The following NEK9 variants were observed in gnomAD, a reference collection of about 807,000 sequenced individuals.
The protein encoded by NEK9 is serine/threonine-protein kinase Nek9.
Under a neutral mutation model 123.4 loss-of-function variants are expected in NEK9, and 75 were observed. That is an observed-to-expected ratio of 0.61 (90% CI 0.50 to 0.74). NEK9 has a LOEUF of 0.74. Ranked by LOEUF, NEK9 falls within the 30% of genes least tolerant of loss-of-function variation. NEK9 has a pLI of 0.00. For missense variants in NEK9, 952 were observed against 1,214.4 expected (o/e 0.78, Z 3.21); for synonymous variants, 438 against 458.7 (o/e 0.95, Z 0.58).
intron 17 of NEK9, among the ~76,000 whole-genome samples, chr14:75,096,420 C>T (rs1259902081): frequency 6.6e-6 from 1 of 151,932 alleles, no homozygotes; most frequent in Non-Finnish European, 1.5e-5. Flanking sequence ...AATCTTTATG[C>T]AGAAAGTGCT....
intron 2 of NEK9, among the ~76,000 whole-genome samples, chr14:75,121,713 T>C (rs1348427408): frequency 6.6e-6 from 1 of 152,130 alleles, no homozygotes; most frequent in African/African-American, 2.4e-5. Flanking sequence ...TAGCCAGCTG[T>C]TGGGGCATGT....
At chr14:75,088,880 T>C (rs2139717223) in intron 19 of NEK9, among the ~76,000 whole-genome samples, 2 of 152,122 alleles carry the variant, frequency 1.3e-5, no homozygotes, top group Middle Eastern at 6.8e-3. Flanking sequence ...GGTGTGTCAC[T>C]CCAACACGCT....
chr14:75,094,148 G>A (rs1205731884), intron 18 of NEK9, among the ~76,000 whole-genome samples: 1 of 152,088 alleles, frequency 6.6e-6, no homozygotes, highest in Non-Finnish European at 1.5e-5. Flanking sequence ...CCAAGCAATG[G>A]GCTACTTAAC....
At chr14:75,087,397 G>C (rs1029948735) in intron 20 of NEK9, among the ~76,000 whole-genome samples, 167 bp from the exon 21 acceptor site, 8 of 152,206 alleles carry the variant, frequency 5.3e-5, no homozygotes, top group Non-Finnish European at 1.0e-4. Context: ...TTATAACAGC[G>C]ATGGGCACTG....
chr14:75,112,105 A>G (rs1465048418), intron 8 of NEK9, among the ~76,000 whole-genome samples: 1 of 152,224 alleles, frequency 6.6e-6, no homozygotes, highest in East Asian at 1.9e-4. Flanking sequence ...GAGAAGAACC[A>G]GAAAAGATTA....
At chr14:75,120,687 GA>G in intron 3 of NEK9, 107 bp from the exon 4 acceptor site, 6 of 825,006 alleles carry the variant, frequency 7.3e-6, no homozygotes, top group Non-Finnish European at 9.7e-6. Flanking sequence ...CAGAAGTTAT[GA>G]TTCAACATGA....
At chr14:75,107,530 T>G (rs1465482137) in intron 10 of NEK9, 43 bp from the exon 11 acceptor site, 1 of 1,495,648 alleles carries the variant, frequency 6.7e-7, no homozygotes, top group African/African-American at 1.4e-5. Flanking sequence ...TTTAATTACA[T>G]TTTATTAAAC....
intron 16 of NEK9, among the ~76,000 whole-genome samples, chr14:75,099,782 CAAA>C (rs11446568): frequency 1.7e-5 from 2 of 118,484 alleles, no homozygotes; most frequent in Non-Finnish European, 1.7e-5. Flanking sequence ...GATTGTGTCT[CAAA>C]AAAAAAAAAA....
chr14:75,115,031 A>G (rs1457203091), intron 6 of NEK9, among the ~76,000 whole-genome samples: 2 of 151,968 alleles, frequency 1.3e-5, no homozygotes, highest in African/African-American at 4.8e-5. Flanking sequence ...ATGTGTATAT[A>G]TGTATATGTG....
At chr14:75,105,888 C>T (rs1894753899) in intron 13 of NEK9, 62 bp downstream of exon 13, 1 of 1,245,380 alleles carries the variant, frequency 8.0e-7, no homozygotes, top group African/African-American at 1.5e-5. Context: ...GGAAAGAGGA[C>T]ATATTATTGG....
chr14:75,126,957 A>C lies in NEK9; in HGVS notation c.-36T>G. On this transcript the variant is annotated 5_prime_UTR_variant, in exon 1 of 22. Coordinates refer to ENST00000238616, the MANE Select transcript of NEK9 (RefSeq NM_033116.6). Reference sequence around the variant, plus strand: ...GCGGGCCTTGGGGACCAGCCTGCGTATGCCCGGAGGCCCTGGCCGCGCTGC... The same window carrying C: ...GCGGGCCTTGGGGACCAGCCTGCGTCTGCCCGGAGGCCCTGGCCGCGCTGC... The C allele has an allele frequency of 1.4e-6, 2 of 1,411,650 alleles. No individual in the cohort carries two copies. Among genetic ancestry groups the C allele is most frequent in the South Asian group, 2.9e-5 (2 of 68,444 alleles). The allele number at this position is 1,411,650 out of a possible 1,614,324, so 87.4% of individuals were successfully genotyped here. A position where few individuals can be genotyped will look rare whatever the true frequency, so the allele number is the denominator to read the frequency against.
chr14:75,088,997 T>G lies in NEK9; in HGVS notation c.2443-356A>C, dbSNP rs533464720. Among the ~76,000 whole-genome samples the G allele has an allele frequency of 1.4e-4, 21 of 152,348 alleles. No homozygotes were observed. In the East Asian group the frequency reaches 4.1e-3, roughly 29 times the overall value. ...GGCTAAAGGTGCAGACAGAACAGCA[T>G]GCTGCTTCCTCTGTTCACGCTCCTC... On this transcript the variant is annotated intron_variant, in intron 19 of 21. Coordinates refer to ENST00000238616, the MANE Select transcript of NEK9 (RefSeq NM_033116.6).
Position 75,091,328 on chromosome 14 carries a change from G to A in NEK9, c.2384C>T (p.Thr795Ile). 1 of 1,614,042 alleles carries A rather than the reference G, an allele frequency of 6.2e-7. No homozygotes were observed. Among genetic ancestry groups the A allele is most frequent in the African/African-American group, 1.3e-5 (1 of 75,038 alleles). The change falls in exon 19 of 22, where the codon ACA (threonine) becomes ATA (isoleucine). Residue 795 changes from threonine (T) to isoleucine (I), a missense_variant. Thr to Ile is a moderately conservative substitution (Grantham distance 89). Transcript: ENST00000238616. ...DRGMEGLISP[T>I]EAMGNSNGAS... ...CCCATTACTGTTCCCCATGGCCTCT[G>A]TGGGACTGATTAAACCTTCCATTCC...
chr14:75,110,264 GA>G, intron 9 of NEK9, 56 bp downstream of exon 9: 2 of 1,358,224 alleles, frequency 1.5e-6, no homozygotes, highest in East Asian at 4.6e-5. Flanking sequence ...ACTCAAGAAA[GA>G]ACCCCCTGGT....
rs1895559091 is a variant in NEK9, at chr14:75,126,979, C to G, written c.-58G>C. The G allele has an allele frequency of 7.5e-7, 1 of 1,341,204 alleles. No individual in the cohort carries two copies. Among genetic ancestry groups the G allele is most frequent in the Non-Finnish European group, 9.8e-7 (1 of 1,023,210 alleles). 83.1% of individuals were successfully genotyped at this position (1,341,204 alleles called of 1,614,324 possible). ...CGTATGCCCGGAGGCCCTGGCCGCG[C>G]TGCGTCCCGCTCGCTTCAGATGCCG... On this transcript the variant is annotated 5_prime_UTR_variant, in exon 1 of 22. Coordinates refer to ENST00000238616, the MANE Select transcript of NEK9 (RefSeq NM_033116.6).
chr14:75,100,303 G>A (rs991849499), intron 16 of NEK9, among the ~76,000 whole-genome samples: 4 of 151,790 alleles, frequency 2.6e-5, no homozygotes, highest in Non-Finnish European at 5.9e-5. Flanking sequence ...GAAATTAGCC[G>A]AGTATGGTGG....
chr14:75,087,467 A>G (rs1480311511), intron 20 of NEK9, among the ~76,000 whole-genome samples: 1 of 152,216 alleles, frequency 6.6e-6, no homozygotes, highest in Non-Finnish European at 1.5e-5. Flanking sequence ...TGGGAGACCA[A>G]TCATCTATTT....
chr14:75,107,488 C>A lies in NEK9; in HGVS notation c.1183-1G>T. On this transcript the variant is annotated splice_acceptor_variant, in intron 10 of 21. Transcript: ENST00000238616. LOFTEE classifies it high-confidence loss of function. ...GGAGTTTAGTGCCTCCTTGCATGTT[C>A]TGTGAAATAAAGAGGTCTTATGACT... is the stretch of plus-strand genomic sequence containing the variant. The A allele has an allele frequency of 6.3e-7, 1 of 1,588,108 alleles. No homozygotes were observed. The highest frequency in any genetic ancestry group is 1.2e-5 in the South Asian group (1 of 86,362).
Position 75,117,282 on chromosome 14 carries a change from T to C in NEK9, c.675A>G (p.Gly225=). The change falls in exon 6 of 22, where the codon GGA becomes GGG. Residue 225 remains glycine, a synonymous_variant. Transcript: ENST00000238616. ...TATCAGACTTGAAATTGTACTTTAC[T>C]CCTTGACAGAGCTCTGGAGACATGT... ...PYYMSPELCQ[G]VKYNFKSDIW... is the part of the protein sequence containing the mutation. 6.2e-7 allele frequency: 1 copy of C among 1,614,062 alleles called. No homozygotes were observed. The highest frequency in any genetic ancestry group is 8.5e-7 in the Non-Finnish European group (1 of 1,179,980).
Sources: gnomAD v4.1 joint callset for allele counts (sites outside exome capture counted in the v4.1 genomes callset) on GRCh38, gnomAD v4.1.1 for gene constraint, MANE v1.5 for transcripts, NCBI Gene and HGNC (gene_info 2026-07-23, HGNC 2026-07-21) for gene names.